The following OR10K2 variants were observed in gnomAD, a reference collection of about 807,000 sequenced individuals.
The protein encoded by OR10K2 is olfactory receptor family 10 subfamily K member 2.
For missense variants in OR10K2, 401 were observed against 367.1 expected (o/e 1.09, Z -0.76); for synonymous variants, 169 against 146.4 (o/e 1.15, Z -1.11).
intron 1 of OR10K2, among the ~76,000 whole-genome samples, chr1:158,421,713 C>G (rs1422473440): frequency 2.6e-5 from 4 of 152,046 alleles, no homozygotes; most frequent in Non-Finnish European, 5.9e-5. Context: ...TGATGACAGC[C>G]TAATCTTTTA....
chr1:158,420,749 C>A lies in OR10K2; in HGVS notation c.118G>T (p.Gly40Cys). 9 of 1,613,530 alleles carry A rather than the reference C, an allele frequency of 5.6e-6. No homozygotes were observed. The highest frequency in any genetic ancestry group is 7.6e-6 in the Non-Finnish European group (9 of 1,179,792). ...IFLLLYLFTL[G>C]TNAIIISTIV... Reference sequence around the variant, plus strand: ...GTGGAAATGATGATTGCATTGGTGCCCAGAGTGAACAGGTAGAGGAGCAGG... The same window carrying A: ...GTGGAAATGATGATTGCATTGGTGCACAGAGTGAACAGGTAGAGGAGCAGG... The change falls in exon 2 of 2, where the codon GGC becomes TGC. Residue 40 changes from glycine to cysteine, a missense_variant. Transcript: ENST00000641042.
intron 1 of OR10K2, among the ~76,000 whole-genome samples, chr1:158,421,679 C>T (rs1202930891): frequency 6.6e-6 from 1 of 152,106 alleles, no homozygotes; most frequent in African/African-American, 2.4e-5. Context: ...GCCACTCTTA[C>T]ATCTCTGCAA....
chr1:158,424,349 A>G (rs1027962899), intron 1 of OR10K2, among the ~76,000 whole-genome samples: 13 of 152,062 alleles, frequency 8.5e-5, no homozygotes, highest in Non-Finnish European at 1.8e-4. Flanking sequence ...CACTCAAAAA[A>G]CTAGCAAACA....
In OR10K2 at chr1:158,418,988, C is replaced by T. The variant is rs1655090410; in HGVS notation, c.*940G>A. 6.6e-6 allele frequency: 1 copy of T among 152,090 alleles called. No homozygotes were observed. Among genetic ancestry groups the T allele is most frequent in the Non-Finnish European group, 1.5e-5 (1 of 67,996 alleles). The allele number at this position is 152,090 out of a possible 1,614,324, so 9.4% of individuals were successfully genotyped here. A position where few individuals can be genotyped will look rare whatever the true frequency, so the allele number is the denominator to read the frequency against. ...GGTGATTTTAGGTCTTGTCATTAAT[C>T]CATTCCCCTGTGAATATCTTCAGGG... On this transcript the variant is annotated 3_prime_UTR_variant, in exon 2 of 2. Coordinates refer to ENST00000641042, the MANE Select transcript of OR10K2 (RefSeq NM_001004476.2).
rs141131451 is a variant in OR10K2, at chr1:158,420,784, A to G, written c.83T>C (p.Phe28Ser). 2.4e-4 allele frequency: 386 copies of G among 1,613,688 alleles called. No homozygotes were observed. The African/African-American group carries it at 4.7e-3, about 20-fold the overall frequency. Residue 28 changes from phenylalanine (F) to serine (S), a missense_variant, in exon 2 of 2, where the codon TTT (phenylalanine) becomes TCT (serine). Physicochemically the swap from Phe to Ser is radical, Grantham distance 155. Transcript: ENST00000641042. ...CAGGTAGAGGAGCAGGAAGATAACA[A>G]AGAGCAGCTGCTGCAGCCTGGCCAG... The part of the protein sequence containing the change: ...SSLARLQQLL[F>S]VIFLLLYLFT...
intron 1 of OR10K2, among the ~76,000 whole-genome samples, chr1:158,423,954 A>T (rs1655207780): frequency 6.6e-6 from 1 of 152,062 alleles, no homozygotes; most frequent in Admixed American, 6.6e-5. Flanking sequence ...ATAATTATGA[A>T]TAAAATCATT....
chr1:158,419,618 T>G lies in OR10K2; in HGVS notation c.*310A>C, dbSNP rs555123397. The G allele has an allele frequency of 6.0e-6, 1 of 166,708 alleles. No homozygotes were observed. Among genetic ancestry groups the G allele is most frequent in the Non-Finnish European group, 1.3e-5 (1 of 78,634 alleles). The allele number at this position is 166,708 out of a possible 1,614,324, so 10.3% of individuals were successfully genotyped here. A position where few individuals can be genotyped will look rare whatever the true frequency, so the allele number is the denominator to read the frequency against. Reference sequence around the variant, plus strand: ...GGAAAGAGCAGAATCAAGATTTTTTTTTTTTTTTTTTTTTGAGACAGAGTC... The same window carrying G: ...GGAAAGAGCAGAATCAAGATTTTTTGTTTTTTTTTTTTTTGAGACAGAGTC... On this transcript the variant is annotated 3_prime_UTR_variant, in exon 2 of 2. Coordinates refer to ENST00000641042, the MANE Select transcript of OR10K2 (RefSeq NM_001004476.2).
chr1:158,419,023 C>T lies in OR10K2; in HGVS notation c.*905G>A, dbSNP rs1346252835. Reference sequence around the variant, plus strand: ...GTGAATATCTTCAGGGTATGCTGACCAAATTTAGATGTATGCCTCTGCATA... The same window carrying T: ...GTGAATATCTTCAGGGTATGCTGACTAAATTTAGATGTATGCCTCTGCATA... On this transcript the variant is annotated 3_prime_UTR_variant, in exon 2 of 2. Transcript: ENST00000641042. The T allele has an allele frequency of 6.6e-6, 1 of 152,126 alleles. No homozygotes were observed. The highest frequency in any genetic ancestry group is 2.4e-5 in the African/African-American group (1 of 41,404). 9.4% of individuals were successfully genotyped at this position (152,126 alleles called of 1,614,324 possible).
rs1655126375 is a variant in OR10K2 at position 158,420,365 on chromosome 1, A to C, written c.502T>G (p.Phe168Val). 1 of 1,613,914 alleles carries C rather than the reference A, an allele frequency of 6.2e-7. No individual in the cohort carries two copies. The highest frequency in any genetic ancestry group is 2.2e-5 in the East Asian group (1 of 44,836). The stretch of plus-strand genomic sequence containing the variant: ...TGATGTAGTTGATTGGAGGAATAAA[A>C]AGGCAGGTGAAATACCAAGGATGTG... Reference protein sequence around the residue: ...IITSLVFHLPFYSSNQLHHFF... With the variant: ...IITSLVFHLPVYSSNQLHHFF... Residue 168 changes from phenylalanine (F) to valine (V), a missense_variant, in exon 2 of 2, where the codon TTT becomes GTT. Phe to Val is a conservative substitution (Grantham distance 50). Transcript: ENST00000641042.
At position 158,421,333 on chromosome 1, in the gene OR10K2, A is replaced by G. The variant is rs550613125; in HGVS notation, c.-61-406T>C. Among the ~76,000 whole-genome samples, 12 of 152,256 alleles carry G rather than the reference A, an allele frequency of 7.9e-5. No homozygotes were observed. In the South Asian group the frequency reaches 2.3e-3, roughly 29 times the overall value. ...ATGGTTCTTAATTGTCATTCTCGTT[A>G]CACCTAAACCCCCACTCTTAGTTTT... On this transcript the variant is annotated intron_variant, in intron 1 of 1. Coordinates refer to ENST00000641042, the MANE Select transcript of OR10K2 (RefSeq NM_001004476.2).
chr1:158,419,998 TA>T lies in OR10K2; in HGVS notation c.868del (p.Tyr290IlefsTer3). 1 of 1,613,244 alleles carries T rather than the reference TA, an allele frequency of 6.2e-7. No individual in the cohort carries two copies. Among genetic ancestry groups the T allele is most frequent in the Non-Finnish European group, 8.5e-7 (1 of 1,179,396 alleles). ...TTTGAACTCTTTATTTCTCAAGCTATAAATCATTGGGTTGAACAATGGAGTT... is the reference window on the plus strand; with the variant it reads ...TTTGAACTCTTTATTTCTCAAGCTATAATCATTGGGTTGAACAATGGAGTT... ...IITPLFNPMIYSLRNKEFKSA... is the reference protein window; with the variant it reads ...IITPLFNPMIXSLRNKEFKSA... On this transcript the variant is annotated frameshift_variant, in exon 2 of 2. Transcript: ENST00000641042. LOFTEE classifies it low-confidence loss of function (END_TRUNC).
chr1:158,421,033 G>A (rs2101647313), intron 1 of OR10K2, 106 bp from the exon 2 acceptor site: 2 of 683,682 alleles, frequency 2.9e-6, no homozygotes, highest in Non-Finnish European at 4.8e-6. Context: ...AAGACATGAT[G>A]TTGCTAAAAT....
chr1:158,420,926 C>G lies in OR10K2; in HGVS notation c.-60G>C. ...AAGAGGAGTCAGCACCAAAAGAAATCCCTGAAAATAAGTAGATTCACAGAA... is the reference window on the plus strand; with the variant it reads ...AAGAGGAGTCAGCACCAAAAGAAATGCCTGAAAATAAGTAGATTCACAGAA... On this transcript the variant is annotated splice_region_variant and 5_prime_UTR_variant, in exon 2 of 2. Transcript: ENST00000641042. 40 of 1,464,982 alleles carry G rather than the reference C, an allele frequency of 2.7e-5. No homozygotes were observed. The highest frequency in any genetic ancestry group is 3.6e-5 in the Non-Finnish European group (39 of 1,084,012). The allele number at this position is 1,464,982 out of a possible 1,614,324, so 90.7% of individuals were successfully genotyped here.
intron 1 of OR10K2, among the ~76,000 whole-genome samples, chr1:158,425,530 G>A (rs1464950094): frequency 1.3e-5 from 2 of 151,944 alleles, no homozygotes; most frequent in African/African-American, 4.8e-5. Context: ...CTGTTTTTGG[G>A]TTCCCAGAGG....
rs143638899 is a variant in OR10K2, at chr1:158,420,569, G to A, written c.298C>T (p.Gln100Ter). ...CCAAGGAAGAGGAAGGAAAACATTT[G>A]GATGGCACAGCCCAGGAAAGAAATG... ...KTISFLGCAI[Q>*]MFSFLFLGCS... Residue 100 changes from glutamine (Q) to a stop codon, truncating the protein, a stop_gained, in exon 2 of 2, where the codon CAA (glutamine) becomes TAA (stop). Transcript: ENST00000641042. LOFTEE classifies it low-confidence loss of function (END_TRUNC). The A allele has an allele frequency of 1.1e-5, 17 of 1,613,784 alleles. No individual in the cohort carries two copies. Among genetic ancestry groups the A allele is most frequent in the Non-Finnish European group, 1.4e-5 (16 of 1,179,918 alleles).
rs1655141097 is a variant in OR10K2, at chr1:158,420,842, CCA to C, written c.23_24del (p.Val8GlyfsTer62). 6.2e-7 allele frequency: 1 copy of C among 1,613,454 alleles called. No homozygotes were observed. The highest frequency in any genetic ancestry group is 8.5e-7 in the Non-Finnish European group (1 of 1,179,752). ...AAGCCGAGGAAGATGACCTCTCTCA[CCA>C]CAGTCTCATTGACCCGCTCCATGGA... MERVNET[V>X]VREVIFLGFS... On this transcript the variant is annotated frameshift_variant, in exon 2 of 2. Coordinates refer to ENST00000641042, the MANE Select transcript of OR10K2 (RefSeq NM_001004476.2). LOFTEE classifies it low-confidence loss of function (END_TRUNC).
intron 1 of OR10K2, among the ~76,000 whole-genome samples, chr1:158,425,632 G>A (rs1655238599): frequency 6.6e-6 from 1 of 151,874 alleles, no homozygotes; most frequent in Non-Finnish European, 1.5e-5. Flanking sequence ...ATATCTTTGT[G>A]TAGATCCTAT....
At chr1:158,423,227 A>ATTT (rs11306254) in intron 1 of OR10K2, among the ~76,000 whole-genome samples, 3 of 136,308 alleles carry the variant, frequency 2.2e-5, no homozygotes, top group Admixed American at 7.4e-5. Flanking sequence ...TTCGCCCAAT[A>ATTT]TTTTTTTTTT....
chr1:158,425,814 A>G (rs1655242143), intron 1 of OR10K2, 119 bp downstream of exon 1: 1 of 150,626 alleles, frequency 6.6e-6, no homozygotes, highest in Admixed American at 6.6e-5. Context: ...ATTTTGCAGA[A>G]AAACACTTTA....
Sources: allele counts gnomAD v4.1 joint callset (sites outside exome capture counted in the v4.1 genomes callset), GRCh38; gene constraint gnomAD v4.1.1; transcripts MANE v1.5; gene names NCBI Gene and HGNC (gene_info 2026-07-23, HGNC 2026-07-21).